The following PTPRK variants were observed in gnomAD, a reference collection of about 807,000 sequenced individuals.
The protein encoded by PTPRK is protein tyrosine phosphatase receptor type K.
PTPRK carries 75 observed loss-of-function variants against 178.0 expected under a neutral mutation model. That is an observed-to-expected ratio of 0.42 (90% confidence interval 0.35 to 0.51). The LOEUF (loss-of-function observed/expected upper bound fraction) is 0.51. PTPRK is among the 20% of genes least tolerant of loss of function. PTPRK has a pLI of 0.02. For missense variants in PTPRK, 1,441 were observed against 1,797.8 expected (o/e 0.80, Z 3.59); for synonymous variants, 637 against 620.6 (o/e 1.03, Z -0.39).
chr6:128,247,677 C>T (rs1223804172), intron 3 of PTPRK, among the ~76,000 whole-genome samples: 1 of 152,118 alleles, frequency 6.6e-6, no homozygotes, highest in African/African-American at 2.4e-5. Flanking sequence ...TCAATTTCTT[C>T]TTCTATAAAG....
intron 3 of PTPRK, among the ~76,000 whole-genome samples, chr6:128,265,255 C>T (rs1218253573): frequency 6.6e-6 from 1 of 152,132 alleles, no homozygotes; most frequent in African/African-American, 2.4e-5. Flanking sequence ...ACAAAAGCTA[C>T]ATGATTTAGG....
intron 2 of PTPRK, among the ~76,000 whole-genome samples, chr6:128,330,551 C>T (rs1485162115): frequency 5.9e-5 from 9 of 152,186 alleles, no homozygotes; most frequent in Admixed American, 2.0e-4. Context: ...AATCCATTCA[C>T]GTCTCTTCAT....
chr6:128,403,833 C>T (rs535229791), intron 1 of PTPRK, among the ~76,000 whole-genome samples: 8 of 152,238 alleles, frequency 5.3e-5, no homozygotes, highest in Non-Finnish European at 1.0e-4. Flanking sequence ...CTTCCTTTAG[C>T]GTAGGAGTCA....
intron 7 of PTPRK, among the ~76,000 whole-genome samples, chr6:128,123,356 T>C (rs1254310326): frequency 6.6e-6 from 1 of 152,188 alleles, no homozygotes; most frequent in Admixed American, 6.5e-5. Context: ...CAGTTTGTGG[T>C]TCTTTGATAA....
intron 5 of PTPRK, among the ~76,000 whole-genome samples, chr6:128,220,153 C>G (rs1810129918): frequency 6.6e-6 from 1 of 151,882 alleles, no homozygotes; most frequent in African/African-American, 2.4e-5. Context: ...TGTTCAAAGA[C>G]ATCATATATA....
intron 13 of PTPRK, among the ~76,000 whole-genome samples, chr6:128,050,142 A>G (rs1324253258): frequency 1.3e-5 from 2 of 152,048 alleles, no homozygotes. Context: ...GCCTCAAGAA[A>G]AAAAAAAATA....
chr6:128,393,500 AG>A (rs930059079), intron 2 of PTPRK, among the ~76,000 whole-genome samples: 2 of 152,328 alleles, frequency 1.3e-5, no homozygotes, highest in African/African-American at 4.8e-5. Flanking sequence ...TTCTGATATG[AG>A]GATAGAAGAA....
chr6:128,475,541 G>C (rs1484700013), intron 1 of PTPRK, among the ~76,000 whole-genome samples: 1 of 152,098 alleles, frequency 6.6e-6, no homozygotes, highest in Non-Finnish European at 1.5e-5. Context: ...ATAGGTATGA[G>C]AGATTTTAAG....
chr6:128,473,943 A>G (rs1021428966), intron 1 of PTPRK, among the ~76,000 whole-genome samples: 3 of 152,130 alleles, frequency 2.0e-5, no homozygotes, highest in Non-Finnish European at 4.4e-5. Context: ...CATATTTTGT[A>G]TAATCTGAAT....
At chr6:128,349,818 G>A (rs1022354564) in intron 2 of PTPRK, among the ~76,000 whole-genome samples, 1 of 152,210 alleles carries the variant, frequency 6.6e-6, no homozygotes, top group East Asian at 1.9e-4. Flanking sequence ...TGGGATTTGG[G>A]CAAGGTTGCC....
chr6:128,422,523 C>A (rs1395423616), intron 1 of PTPRK, among the ~76,000 whole-genome samples: 2 of 151,964 alleles, frequency 1.3e-5, no homozygotes, highest in Non-Finnish European at 2.9e-5. Flanking sequence ...ATTAGATTCC[C>A]ATGTACTTTC....
chr6:128,490,065 AC>A (rs1853547205), intron 1 of PTPRK, among the ~76,000 whole-genome samples: 1 of 152,184 alleles, frequency 6.6e-6, no homozygotes, highest in African/African-American at 2.4e-5. Context: ...AATTCATCAG[AC>A]CAGTCATAGG....
At chr6:128,508,186 C>T (rs1339472136) in intron 1 of PTPRK, among the ~76,000 whole-genome samples, 5 of 152,054 alleles carry the variant, frequency 3.3e-5, no homozygotes, top group East Asian at 1.9e-4. Context: ...ATGTGGGCAG[C>T]GATGCAAATA....
At chr6:128,480,556 A>C (rs71568905) in intron 1 of PTPRK, among the ~76,000 whole-genome samples, 9,091 of 152,222 alleles carry the variant, frequency 0.06, 487 homozygotes, top group African/African-American at 0.15. Context: ...TGAATTAGTT[A>C]GTCCCTAGCT....
chr6:128,265,252 C>T (rs1168487996), intron 3 of PTPRK, among the ~76,000 whole-genome samples: 3 of 152,124 alleles, frequency 2.0e-5, no homozygotes, highest in Non-Finnish European at 4.4e-5. Flanking sequence ...ACCACAAAAG[C>T]TACATGATTT....
chr6:128,447,072 G>A (rs1487623928), intron 1 of PTPRK, among the ~76,000 whole-genome samples: 2 of 152,098 alleles, frequency 1.3e-5, no homozygotes, highest in Admixed American at 6.6e-5. Context: ...CACATGGTGA[G>A]GGGGTACGAA....
chr6:128,202,562 C>T (rs1198346963), intron 6 of PTPRK, among the ~76,000 whole-genome samples: 1 of 152,148 alleles, frequency 6.6e-6, no homozygotes, highest in Non-Finnish European at 1.5e-5. Context: ...TTCGAGGGCA[C>T]TTCACAAGTT....
chr6:128,214,855 T>C (rs1286993584), intron 6 of PTPRK, among the ~76,000 whole-genome samples: 2 of 152,288 alleles, frequency 1.3e-5, no homozygotes, highest in Non-Finnish European at 2.9e-5. Context: ...TGTTTGAATT[T>C]CTTATGATGT....
At chr6:128,314,224 C>G (rs1562266244) in intron 3 of PTPRK, among the ~76,000 whole-genome samples, 1 of 152,094 alleles carries the variant, frequency 6.6e-6, no homozygotes, top group Non-Finnish European at 1.5e-5. Context: ...TTCTTTAGCA[C>G]TTGTTGTATT....
Sources: allele counts gnomAD v4.1 joint callset (sites outside exome capture counted in the v4.1 genomes callset), GRCh38; gene constraint gnomAD v4.1.1; transcripts MANE v1.5; gene names NCBI Gene and HGNC (gene_info 2026-07-23, HGNC 2026-07-21).